HECTD4: variants seen among roughly 807,000 people sequenced by gnomAD.
The protein encoded by HECTD4 is HECT domain E3 ubiquitin protein ligase 4.
A neutral mutation model predicts 471.5 loss-of-function variants in HECTD4; 114 were observed. The observed-to-expected ratio is 0.24, with a 90% CI of 0.21 to 0.28. HECTD4 has a LOEUF of 0.28. Among genes scored for constraint, HECTD4 ranks in the 10% least tolerant of loss-of-function variants. The pLI is 1.00. For synonymous variants in HECTD4, 2,012 were observed against 2,256.0 expected, an observed-to-expected ratio of 0.89 and a Z score of 3.07; for missense variants, 3,866 against 5,651.5, an observed-to-expected ratio of 0.68 and a Z score of 10.13.
chr12:112,196,814 G>A (rs779496742), intron 55 of HECTD4, among the ~76,000 whole-genome samples: 2 of 150,862 alleles, frequency 1.3e-5, no homozygotes, highest in Non-Finnish European at 3.0e-5. Context: ...TTTGTTTTTT[G>A]AGATGGAGTC....
At chr12:112,295,849 A>G (rs2034998914) in intron 7 of HECTD4, among the ~76,000 whole-genome samples, 1 of 151,346 alleles carries the variant, frequency 6.6e-6, no homozygotes, top group Non-Finnish European at 1.5e-5. Flanking sequence ...ACACATAGTG[A>G]TGTGGTCTCA....
intron 1 of HECTD4, among the ~76,000 whole-genome samples, chr12:112,373,171 A>G (rs2036716092): frequency 6.6e-6 from 1 of 152,198 alleles, no homozygotes; most frequent in Admixed American, 6.6e-5. Context: ...TTTCAGTCTT[A>G]GCTTTGCCAC....
At chr12:112,371,190 A>C (rs2036660166) in intron 1 of HECTD4, among the ~76,000 whole-genome samples, 1 of 152,252 alleles carries the variant, frequency 6.6e-6, no homozygotes, top group African/African-American at 2.4e-5. Flanking sequence ...TGATTTATTT[A>C]GCAAGACCTT....
chr12:112,200,379 TGTGACCTCAA>T (rs1247741861), intron 55 of HECTD4, among the ~76,000 whole-genome samples: 1 of 152,074 alleles, frequency 6.6e-6, no homozygotes, highest in Non-Finnish European at 1.5e-5. Flanking sequence ...GTCTCGAACT[TGTGACCTCAA>T]GTGATCTGCC....
chr12:112,238,306 T>C (rs1338046995), intron 34 of HECTD4, among the ~76,000 whole-genome samples: 1 of 151,986 alleles, frequency 6.6e-6, no homozygotes, highest in African/African-American at 2.4e-5. Flanking sequence ...TCGACCTCCC[T>C]GGCTCAAGCA....
Position 112,226,756 on chromosome 12 carries a change from G to A in HECTD4, c.6857C>T (p.Ala2286Val), listed in dbSNP as rs1222418285. Residue 2286 changes from alanine to valine, a missense_variant and splice_region_variant, in exon 44 of 76, where the codon GCA becomes GTA. This residue lies in a region of HECTD4 where 617 missense variants were observed against 915.1 expected (regional missense o/e 0.67). Coordinates refer to ENST00000682272, the MANE Select transcript of HECTD4 (RefSeq NM_001388303.1). ...VRLLAEIRTRACLVMAQLLED... is the reference protein window; with the variant it reads ...VRLLAEIRTRVCLVMAQLLED... The stretch of plus-strand genomic sequence containing the variant: ...TAAAAGCTGGGCCATGACCAGGCAT[G>A]CTCTTAATGTTAAAAGATTTACAAT... The A allele has an allele frequency of 1.3e-6, 2 of 1,598,354 alleles. No individual in the cohort carries two copies. The highest frequency in any genetic ancestry group is 1.7e-6 in the Non-Finnish European group (2 of 1,167,482).
intron 1 of HECTD4, among the ~76,000 whole-genome samples, chr12:112,352,873 C>T (rs1411759125): frequency 6.6e-6 from 1 of 152,196 alleles, no homozygotes; most frequent in South Asian, 2.1e-4. Context: ...TCCCAAAGTG[C>T]TGGGGTTGCA....
chr12:112,253,862 A>T (rs2033950248), intron 22 of HECTD4, among the ~76,000 whole-genome samples, 181 bp downstream of exon 22: 1 of 152,184 alleles, frequency 6.6e-6, no homozygotes, highest in Non-Finnish European at 1.5e-5. Context: ...CTGATGTCCT[A>T]CAAGTGAAAG....
intron 7 of HECTD4, among the ~76,000 whole-genome samples, chr12:112,298,815 T>C (rs1212845239): frequency 6.8e-6 from 1 of 147,232 alleles, no homozygotes; most frequent in Non-Finnish European, 1.5e-5. Flanking sequence ...CTGGGAGGTA[T>C]AGGTTGCAGT....
At chr12:112,286,411 C>T (rs1453239945) in intron 7 of HECTD4, among the ~76,000 whole-genome samples, 3 of 152,204 alleles carry the variant, frequency 2.0e-5, no homozygotes, top group Non-Finnish European at 4.4e-5. Flanking sequence ...CAGTGGTTCA[C>T]ACCTGTAATC....
In HECTD4 at chr12:112,235,473, C is replaced by A; in HGVS notation, c.5725+31G>T. The A allele has an allele frequency of 6.3e-7, 1 of 1,576,762 alleles. No homozygotes were observed. The highest frequency in any genetic ancestry group is 8.6e-7 in the Non-Finnish European group (1 of 1,161,434). On this transcript the variant is annotated intron_variant, in intron 36 of 75. Transcript: ENST00000682272. This position sits in a 1 kb window ranked among gnomAD's most constrained non-coding sequence, Gnocchi z 5.0. Reference sequence around the variant, plus strand: ...ACTGGGCACAGGAATGCTGCACTGCCATGCTACTCTCCTGTTGAGGAGCTT... The same window carrying A: ...ACTGGGCACAGGAATGCTGCACTGCAATGCTACTCTCCTGTTGAGGAGCTT...
chr12:112,333,746 A>T (rs548492278), intron 1 of HECTD4, among the ~76,000 whole-genome samples: 1 of 152,356 alleles, frequency 6.6e-6, no homozygotes, highest in Non-Finnish European at 1.5e-5. Flanking sequence ...GTTTAAGTCC[A>T]CAAGTTCATA....
intron 44 of HECTD4, among the ~76,000 whole-genome samples, chr12:112,223,679 C>T (rs1211749816): frequency 1.3e-5 from 2 of 152,182 alleles, no homozygotes; most frequent in Non-Finnish European, 2.9e-5. Flanking sequence ...CTTGGCCTCC[C>T]AAAGTGCTGG....
chr12:112,382,135 G>A lies in HECTD4; in HGVS notation c.-7C>T. On this transcript the variant is annotated 5_prime_UTR_variant, in exon 1 of 76. Transcript: ENST00000682272. ...CGGCCGCCGACGAGCCCATGGCCCC[G>A]GCTGAAGGCTTGGCGCTGAGGAGCA... 1.6e-6 allele frequency: 2 copies of A among 1,217,204 alleles called. No homozygotes were observed. Among genetic ancestry groups the A allele is most frequent in the Non-Finnish European group, 2.0e-6 (2 of 981,590 alleles). 75.4% of individuals were successfully genotyped at this position (1,217,204 alleles called of 1,614,324 possible). A position where few individuals can be genotyped will look rare whatever the true frequency, so the allele number is the denominator to read the frequency against.
chr12:112,230,698 T>C lies in HECTD4; in HGVS notation c.6325A>G (p.Thr2109Ala), dbSNP rs1239645486. The change falls in exon 40 of 76, where the codon ACA becomes GCA. Residue 2109 changes from threonine (T) to alanine (A), a missense_variant. Physicochemically the swap from Thr to Ala is moderately conservative, Grantham distance 58 (BLOSUM62 0). Coordinates refer to ENST00000682272, the MANE Select transcript of HECTD4 (RefSeq NM_001388303.1). ...ESNAAQIWTTTAEKVLSRALM... is the reference protein window; with the variant it reads ...ESNAAQIWTTAAEKVLSRALM... ...AACACTGCGCTAACCTTCTCTGCTGTTGTGGTCCATATTTGAGCAGCATTT... is the reference window on the plus strand; with the variant it reads ...AACACTGCGCTAACCTTCTCTGCTGCTGTGGTCCATATTTGAGCAGCATTT... 2 of 1,610,516 alleles carry C rather than the reference T, an allele frequency of 1.2e-6. No individual in the cohort carries two copies. The highest frequency in any genetic ancestry group is 1.7e-6 in the Non-Finnish European group (2 of 1,178,274).
intron 54 of HECTD4, chr12:112,201,473 GAAAAA>G (rs59104653): frequency 6.9e-6 from 1 of 145,438 alleles, no homozygotes; most frequent in Admixed American, 6.8e-5. Flanking sequence ...GCCAATTACT[GAAAAA>G]AAAAAATTTC....
rs190198873 is a variant in HECTD4 at position 112,183,364 on chromosome 12, T to C, written c.10780-98A>G. 9.6e-4 allele frequency: 919 copies of C among 961,288 alleles called. 1 individual carries two copies. The highest frequency in any genetic ancestry group is 1.4e-3 in the Non-Finnish European group (871 of 621,798). The allele number at this position is 961,288 out of a possible 1,614,324, so 59.5% of individuals were successfully genotyped here. A position where few individuals can be genotyped will look rare whatever the true frequency, so the allele number is the denominator to read the frequency against. On this transcript the variant is annotated intron_variant, in intron 61 of 75. Transcript: ENST00000682272. ...CCCACCTTTTCCTGGAAACCCTCTA[T>C]TCATCTGCAGAGATGTGAAAGCTGC...
At chr12:112,350,788 TGG>T (rs1312320396) in intron 1 of HECTD4, among the ~76,000 whole-genome samples, 1 of 152,258 alleles carries the variant, frequency 6.6e-6, no homozygotes, top group Admixed American at 6.5e-5. Context: ...CTCTGATTTA[TGG>T]TGCCAGTACT....
In HECTD4 at chr12:112,229,774, A is replaced by G. The variant is rs143537343; in HGVS notation, c.6443T>C (p.Ile2148Thr). Reference protein sequence around the residue: ...SGRKLAKLQRIARQAVAALCA... With the variant: ...SGRKLAKLQRTARQAVAALCA... ...CAGTGCGGCAACGGCCTGGCGTGCA[A>G]TTCTCTGAAGTTTGGCAAGTTTCCT... is the stretch of plus-strand genomic sequence containing the variant. The change falls in exon 41 of 76, where the codon ATT (isoleucine) becomes ACT (threonine). Residue 2148 changes from isoleucine to threonine, a missense_variant. Coordinates refer to ENST00000682272, the MANE Select transcript of HECTD4 (RefSeq NM_001388303.1). The G allele has an allele frequency of 1.2e-6, 2 of 1,614,030 alleles. No individual in the cohort carries two copies. The highest frequency in any genetic ancestry group is 4.5e-5 in the East Asian group (2 of 44,884).
Sources: allele counts gnomAD v4.1 joint callset (sites outside exome capture counted in the v4.1 genomes callset), GRCh38; gene constraint gnomAD v4.1.1; regional missense constraint gnomAD v4.1.1; non-coding constraint Gnocchi (gnomAD v3.1); transcripts MANE v1.5; gene names NCBI Gene and HGNC (gene_info 2026-07-23, HGNC 2026-07-21).